The following PRKN variants were observed in gnomAD, a reference collection of about 807,000 sequenced individuals.
The protein encoded by PRKN is E3 ubiquitin-protein ligase parkin.
PRKN carries 56 observed loss-of-function variants against 59.5 expected under a neutral mutation model. That is an observed-to-expected ratio of 0.94 (90% confidence interval 0.76 to 1.18). The LOEUF (loss-of-function observed/expected upper bound fraction) is 1.18. Ranked by LOEUF, PRKN falls within the 50% of genes most tolerant of loss-of-function variation. The probability of loss-of-function intolerance (pLI) is 0.00; values close to 1 mark genes in which losing one functional copy is unlikely to be tolerated. For synonymous variants in PRKN, 250 were observed against 222.1 expected, an observed-to-expected ratio of 1.13 and a Z score of -1.12; for missense variants, 657 against 596.4, an observed-to-expected ratio of 1.10 and a Z score of -1.06.
chr6:162,006,391 G>A (rs956270246), intron 5 of PRKN, among the ~76,000 whole-genome samples: 16 of 152,108 alleles, frequency 1.1e-4, no homozygotes, highest in African/African-American at 3.9e-4. Context: ...TCAACATTGT[G>A]CACTCAATTT....
chr6:161,622,538 C>T (rs889448660), intron 7 of PRKN, among the ~76,000 whole-genome samples: 3 of 151,790 alleles, frequency 2.0e-5, no homozygotes, highest in Admixed American at 6.6e-5. Flanking sequence ...TCTCATCCTC[C>T]CCCACACTCT....
rs1299200587 is a variant in PRKN, at chr6:161,554,823, G to A, written c.934-5820C>T. Among the ~76,000 whole-genome samples the A allele has an allele frequency of 6.7e-6, 1 of 150,258 alleles. No homozygotes were observed. The highest frequency in any genetic ancestry group is 6.7e-5 in the Admixed American group (1 of 15,028). ...AAATCTCTTACTTCATGTTCTTCTG[G>A]TATAAAATATTATGGATAAGCCTGA... On this transcript the variant is annotated intron_variant, in intron 8 of 11. Transcript: ENST00000366898. The surrounding 1 kb of genome is among the most constrained non-coding windows in gnomAD (Gnocchi z 4.5).
intron 5 of PRKN, among the ~76,000 whole-genome samples, chr6:162,043,646 T>A (rs1054189144): frequency 1.3e-5 from 2 of 152,248 alleles, no homozygotes; most frequent in Admixed American, 6.5e-5. Context: ...TTGGAAAGGA[T>A]GAAGTCTCAG....
rs1781382775 is a variant in PRKN at position 161,582,647 on chromosome 6, T to A, written c.872-13231A>T. On this transcript the variant is annotated intron_variant, in intron 7 of 11. Coordinates refer to ENST00000366898, the MANE Select transcript of PRKN (RefSeq NM_004562.3). This position sits in a 1 kb window ranked among gnomAD's most constrained non-coding sequence, Gnocchi z 4.4. ...TTTCACCATGTTAGCCAGGATGGTC[T>A]CGATCTGCTGACCTCGTGATCTGCC... Among the ~76,000 whole-genome samples, 1 of 152,072 alleles carries A rather than the reference T, an allele frequency of 6.6e-6. No homozygotes were observed. The highest frequency in any genetic ancestry group is 6.5e-5 in the Admixed American group (1 of 15,272).
At chr6:162,123,593 C>T (rs1301813248) in intron 4 of PRKN, among the ~76,000 whole-genome samples, 1 of 152,180 alleles carries the variant, frequency 6.6e-6, no homozygotes, top group Non-Finnish European at 1.5e-5. Flanking sequence ...GAGAAATTAA[C>T]ATCTTTTAGA....
At chr6:162,450,713 A>G (rs1790585549) in intron 1 of PRKN, among the ~76,000 whole-genome samples, 2 of 152,168 alleles carry the variant, frequency 1.3e-5, no homozygotes, top group African/African-American at 4.8e-5. Flanking sequence ...CAAACCTTTC[A>G]AGGTCATCCA....
At chr6:162,695,500 CA>C (rs1562503742) in intron 1 of PRKN, among the ~76,000 whole-genome samples, 3 of 152,182 alleles carry the variant, frequency 2.0e-5, no homozygotes, top group Admixed American at 6.5e-5. Context: ...CCTGCAAAAA[CA>C]TTATATATCT....
chr6:161,943,994 GAGCCTGAGGAAGC>G (rs1341502801), intron 6 of PRKN, among the ~76,000 whole-genome samples: 3 of 66,342 alleles, frequency 4.5e-5, no homozygotes, highest in East Asian at 6.4e-4. Flanking sequence ...CCTGAGGAAG[GAGCCTGAGGAAGC>G]AGCCTGAGGG....
At chr6:161,799,960 G>A (rs1241739093) in intron 6 of PRKN, among the ~76,000 whole-genome samples, 138 of 152,146 alleles carry the variant, frequency 9.1e-4, no homozygotes, top group Non-Finnish European at 5.9e-5. Context: ...TTACCAAGGA[G>A]GCAGTGGAGC....
At chr6:161,881,224 C>T (rs943558084) in intron 6 of PRKN, among the ~76,000 whole-genome samples, 3 of 152,134 alleles carry the variant, frequency 2.0e-5, no homozygotes, top group South Asian at 2.1e-4. Context: ...TGTGTGGAGA[C>T]GCATCAGCAG....
chr6:162,314,800 T>C (rs960679270), intron 2 of PRKN, among the ~76,000 whole-genome samples: 1 of 152,202 alleles, frequency 6.6e-6, no homozygotes, highest in Non-Finnish European at 1.5e-5. Context: ...CTTTGATTAA[T>C]GCAGGGAAAG....
chr6:162,685,771 C>T (rs77711825), intron 1 of PRKN, among the ~76,000 whole-genome samples: 2,074 of 152,244 alleles, frequency 0.014, 55 homozygotes, highest in African/African-American at 0.046. Context: ...GAATCAAACT[C>T]AACATTTCTC....
At chr6:162,204,941 C>T (rs944147895) in intron 3 of PRKN, among the ~76,000 whole-genome samples, 1 of 151,770 alleles carries the variant, frequency 6.6e-6, no homozygotes, top group Non-Finnish European at 1.5e-5. Context: ...CGGCTCACTG[C>T]AACTTCCTCC....
At chr6:162,063,615 G>A (rs2105722) in intron 4 of PRKN, among the ~76,000 whole-genome samples, 6,549 of 61,688 alleles carry the variant, frequency 0.11, 838 homozygotes, top group East Asian at 0.64. Context: ...TGCGATCTCC[G>A]CTCACTGCAA....
intron 2 of PRKN, among the ~76,000 whole-genome samples, chr6:162,375,775 C>T (rs922868166): frequency 8.3e-6 from 1 of 120,466 alleles, no homozygotes; most frequent in African/African-American, 3.2e-5. Context: ...AAACACACAC[C>T]CCACTCTCTC....
At chr6:161,944,028 G>C (rs1249704430) in intron 6 of PRKN, among the ~76,000 whole-genome samples, 1 of 147,314 alleles carries the variant, frequency 6.8e-6, no homozygotes, top group Non-Finnish European at 1.5e-5. Flanking sequence ...ATCAGCCTGA[G>C]GAATCAGCCT....
chr6:162,212,700 A>G (rs1313550417), intron 3 of PRKN, among the ~76,000 whole-genome samples: 5 of 152,184 alleles, frequency 3.3e-5, no homozygotes, highest in Non-Finnish European at 7.3e-5. Context: ...ACGATTGTGG[A>G]ATTGTGCAAA....
At chr6:162,292,951 G>A (rs915245780) in intron 2 of PRKN, among the ~76,000 whole-genome samples, 1 of 152,110 alleles carries the variant, frequency 6.6e-6, no homozygotes, top group Non-Finnish European at 1.5e-5. Context: ...TCCTGTGGTC[G>A]CTGGGGACCC....
At chr6:161,621,960 T>C (rs1410358524) in intron 7 of PRKN, among the ~76,000 whole-genome samples, 1 of 152,198 alleles carries the variant, frequency 6.6e-6, no homozygotes, top group Non-Finnish European at 1.5e-5. Flanking sequence ...ACCTTCCGCT[T>C]AAGCCACCCT....
Sources: allele counts gnomAD v4.1 joint callset (sites outside exome capture counted in the v4.1 genomes callset), GRCh38; gene constraint gnomAD v4.1.1; non-coding constraint Gnocchi (gnomAD v3.1); transcripts MANE v1.5; gene names NCBI Gene and HGNC (gene_info 2026-07-23, HGNC 2026-07-21).